HAUS6: variants seen among roughly 807,000 people sequenced by gnomAD.
HAUS6 encodes HAUS augmin-like complex subunit 6.
Under a neutral mutation model 106.8 loss-of-function variants are expected in HAUS6, and 80 were observed. The observed-to-expected ratio is 0.75, with a 90% CI of 0.63 to 0.90. The LOEUF is 0.90. HAUS6 is among the 40% of genes least tolerant of loss of function. HAUS6 has a pLI of 0.00. For missense variants in HAUS6, 1,155 were observed against 1,118.1 expected (o/e 1.03, Z -0.47); for synonymous variants, 356 against 379.1 (o/e 0.94, Z 0.71).
At chr9:19,085,855 A>G (rs1451532374) in intron 7 of HAUS6, among the ~76,000 whole-genome samples, 1 of 152,150 alleles carries the variant, frequency 6.6e-6, no homozygotes, top group Non-Finnish European at 1.5e-5. Flanking sequence ...ACTGGGGTGG[A>G]GAATTTCAAA....
In HAUS6 at chr9:19,058,022, T is replaced by C. The variant is rs1352745516; in HGVS notation, c.2745A>G (p.Pro915=). 6.2e-7 allele frequency: 1 copy of C among 1,612,266 alleles called. No individual in the cohort carries two copies. The highest frequency in any genetic ancestry group is 8.5e-7 in the Non-Finnish European group (1 of 1,178,288). The change falls in exon 16 of 17, where the codon CCA becomes CCG. Residue 915 remains proline (P), a synonymous_variant. Coordinates refer to ENST00000380502, the MANE Select transcript of HAUS6 (RefSeq NM_017645.5). ...RSLSPLIKFS[P]VEQRLRTTIA... The stretch of plus-strand genomic sequence containing the variant: ...TTGTGGTTCTCAATCTTTGTTCCAC[T>C]GGAGAAAACTTAATTAGTGGTGAAA...
rs145443951 is a variant in HAUS6 at position 19,093,290 on chromosome 9, C to A, written c.317G>T (p.Ser106Ile). 6.2e-7 allele frequency: 1 copy of A among 1,603,326 alleles called. No individual in the cohort carries two copies. The highest frequency in any genetic ancestry group is 8.5e-7 in the Non-Finnish European group (1 of 1,174,016). Reference sequence around the variant, plus strand: ...TGAACCAACAACTTGAGGAAAGCTACTTCCACATTCACCCTATGAAGAAAA... The same window carrying A: ...TGAACCAACAACTTGAGGAAAGCTAATTCCACATTCACCCTATGAAGAAAA... Reference protein sequence around the residue: ...WIKRISGECGSSFPQVVGSLF... With the variant: ...WIKRISGECGISFPQVVGSLF... The change falls in exon 4 of 17, where the codon AGT becomes ATT. Residue 106 changes from serine to isoleucine, a missense_variant. Ser to Ile is a moderately radical substitution (Grantham distance 142). Around this residue, in one of 3 missense-constraint regions of HAUS6, gnomAD observed 761 missense variants for 690.0 expected, o/e 1.10. Transcript: ENST00000380502.
At chr9:19,063,679 G>A (rs374621670) in intron 12 of HAUS6, 99 bp from the exon 13 acceptor site, 16 of 862,530 alleles carry the variant, frequency 1.9e-5, no homozygotes, top group South Asian at 5.3e-5. Flanking sequence ...GTATCTGTCC[G>A]TTACGATTTC....
At chr9:19,084,417 A>G (rs1432498431) in intron 7 of HAUS6, among the ~76,000 whole-genome samples, 2 of 152,272 alleles carry the variant, frequency 1.3e-5, no homozygotes, top group South Asian at 2.1e-4. Flanking sequence ...GTAACATCCT[A>G]TTCCTTAAAT....
At chr9:19,085,121 G>A (rs569696686) in intron 7 of HAUS6, among the ~76,000 whole-genome samples, 1 of 152,192 alleles carries the variant, frequency 6.6e-6, no homozygotes, top group East Asian at 1.9e-4. Flanking sequence ...AGGTAAAGTT[G>A]TTCCCAAAGG....
rs1254153001 is a variant in HAUS6 at position 19,078,369 on chromosome 9, AAAT to A, written c.1065-70_1065-68del. 3 of 893,460 alleles carry A rather than the reference AAAT, an allele frequency of 3.4e-6. No homozygotes were observed. The African/African-American group carries it at 5.1e-5, about 15-fold the overall frequency. The allele number at this position is 893,460 out of a possible 1,614,324, so 55.3% of individuals were successfully genotyped here. A position where few individuals can be genotyped will look rare whatever the true frequency, so the allele number is the denominator to read the frequency against. On this transcript the variant is annotated intron_variant, in intron 9 of 16. Coordinates refer to ENST00000380502, the MANE Select transcript of HAUS6 (RefSeq NM_017645.5). The stretch of plus-strand genomic sequence containing the variant: ...AAAAAGCACTGAGTAAAATTTAAGA[AAAT>A]AACAATAGTTGTAGAGAAGTGGAAG...
In HAUS6 at chr9:19,058,684, G is replaced by A; in HGVS notation, c.2083C>T (p.Gln695Ter). Residue 695 changes from glutamine to a stop codon, truncating the protein, a stop_gained, in exon 16 of 17, where the codon CAA becomes TAA. Transcript: ENST00000380502. LOFTEE classifies it high-confidence loss of function. ...GTGAAGGCTAAACATTCCAAATCTT[G>A]CTTGCAAATTACTTTCTTATTTAAC... ...DLLNKKVICK[Q>*]DLECLAFTKL... The A allele has an allele frequency of 6.2e-7, 1 of 1,612,284 alleles. No individual in the cohort carries two copies. The highest frequency in any genetic ancestry group is 8.5e-7 in the Non-Finnish European group (1 of 1,178,534).
At chr9:19,086,649 A>G (rs2131141660) in intron 7 of HAUS6, 85 bp downstream of exon 7, 2 of 643,524 alleles carry the variant, frequency 3.1e-6, no homozygotes, top group Non-Finnish European at 5.5e-6. Flanking sequence ...TGGTAAATAG[A>G]CTATAAGAGT....
chr9:19,058,842 T>G lies in HAUS6; in HGVS notation c.1925A>C (p.Glu642Ala). Residue 642 changes from glutamate to alanine, a missense_variant, in exon 16 of 17, where the codon GAA becomes GCA. Glu to Ala is a moderately radical substitution (Grantham distance 107). Around this residue, in one of 3 missense-constraint regions of HAUS6, gnomAD observed 380 missense variants for 394.8 expected, o/e 0.96. Coordinates refer to ENST00000380502, the MANE Select transcript of HAUS6 (RefSeq NM_017645.5). ...REFSMADFLL[E>A]TTVSDFGQSH... The stretch of plus-strand genomic sequence containing the variant: ...CTGGCCAAAATCTGATACAGTGGTT[T>G]CTAAGAGAAAATCAGCCATGCTAAA... 6.2e-7 allele frequency: 1 copy of G among 1,614,204 alleles called. No individual in the cohort carries two copies. Among genetic ancestry groups the G allele is most frequent in the Non-Finnish European group, 8.5e-7 (1 of 1,179,998 alleles).
intron 3 of HAUS6, 66 bp from the exon 4 acceptor site, chr9:19,093,369 A>ACC: frequency 1.5e-6 from 2 of 1,362,354 alleles, no homozygotes; most frequent in Non-Finnish European, 2.1e-6. Flanking sequence ...TTTACATCAC[A>ACC]CTATTTTTGT....
chr9:19,084,637 T>C (rs1346103404), intron 7 of HAUS6, among the ~76,000 whole-genome samples: 1 of 81,152 alleles, frequency 1.2e-5, no homozygotes, highest in Admixed American at 1.1e-4. Flanking sequence ...TCTTTTTTCT[T>C]TTTTTTTTTT....
intron 11 of HAUS6, among the ~76,000 whole-genome samples, chr9:19,075,960 GA>G (rs1212966351): frequency 4.2e-4 from 57 of 135,682 alleles, no homozygotes; most frequent in South Asian, 4.8e-4. Context: ...CTCCATCTCG[GA>G]AAAAAAAAAA....
Position 19,061,846 on chromosome 9 carries a change from G to GA in HAUS6, c.1629+1161dup, listed in dbSNP as rs553909574. Among the ~76,000 whole-genome samples, 14 of 152,186 alleles carry GA rather than the reference G, an allele frequency of 9.2e-5. No individual in the cohort carries two copies. In the South Asian group the frequency reaches 2.9e-3, roughly 32 times the overall value. ...CAAGACCCTGTCTTAAAAGAAAAAA[G>GA]AAAAGTGTCTGACATCCAGTTCTCT... On this transcript the variant is annotated intron_variant, in intron 14 of 16. Transcript: ENST00000380502.
chr9:19,096,436 T>A (rs1365899917), intron 2 of HAUS6, among the ~76,000 whole-genome samples: 3 of 151,770 alleles, frequency 2.0e-5, no homozygotes, highest in African/African-American at 7.3e-5. Flanking sequence ...GTCGTGGCAG[T>A]CACCTATAAT....
At chr9:19,099,171 G>GTT (rs149869558) in intron 1 of HAUS6, among the ~76,000 whole-genome samples, 6 of 143,018 alleles carry the variant, frequency 4.2e-5, no homozygotes, top group Non-Finnish European at 6.1e-5. Flanking sequence ...GTTTTTTTGT[G>GTT]TTTTTTTTTT....
chr9:19,058,322 A>G lies in HAUS6; in HGVS notation c.2445T>C (p.Asp815=), dbSNP rs753748231. 1 of 1,613,780 alleles carries G rather than the reference A, an allele frequency of 6.2e-7. No individual in the cohort carries two copies. Among genetic ancestry groups the G allele is most frequent in the South Asian group, 1.1e-5 (1 of 91,066 alleles). ...GAGTAGTCTGTCTCCCTCCCACAACATCTTCTAGAAGAGTGCCACCATGCA... is the reference window on the plus strand; with the variant it reads ...GAGTAGTCTGTCTCCCTCCCACAACGTCTTCTAGAAGAGTGCCACCATGCA... ...SPMHGGTLLE[D]VVGGRQTTPE... is the part of the protein sequence containing the mutation. The change falls in exon 16 of 17, where the codon GAT becomes GAC. Residue 815 remains aspartate (D), a synonymous_variant. Transcript: ENST00000380502.
At chr9:19,057,273 G>A (rs1411367786) in intron 16 of HAUS6, 1 of 152,358 alleles carries the variant, frequency 6.6e-6, no homozygotes, top group Non-Finnish European at 1.5e-5. Context: ...ATATGACTGT[G>A]TCCTTATAAG....
chr9:19,057,770 G>T (rs1367938137), intron 16 of HAUS6, 191 bp downstream of exon 16: 33 of 426,720 alleles, frequency 7.7e-5, no homozygotes, highest in East Asian at 1.3e-4. Flanking sequence ...CAAATCAATT[G>T]TAACTATATA....
intron 4 of HAUS6, 151 bp from the exon 5 acceptor site, chr9:19,089,710 A>C: frequency 1.9e-6 from 1 of 533,520 alleles, no homozygotes. Flanking sequence ...ACAGACTTAC[A>C]AGCTAATAAA....
Sources: allele counts gnomAD v4.1 joint callset (sites outside exome capture counted in the v4.1 genomes callset), GRCh38; gene constraint gnomAD v4.1.1; regional missense constraint gnomAD v4.1.1; transcripts MANE v1.5; gene names NCBI Gene and HGNC (gene_info 2026-07-23, HGNC 2026-07-21).